The following GFM1 variants were observed in gnomAD, a reference collection of about 807,000 sequenced individuals.
GFM1 encodes elongation factor G, mitochondrial.
A neutral mutation model predicts 96.2 loss-of-function variants in GFM1; 62 were observed. That is an observed-to-expected ratio of 0.64 (90% CI 0.53 to 0.80). The LOEUF (loss-of-function observed/expected upper bound fraction) is 0.80, where lower values mean the gene tolerates loss of function less well. GFM1 is among the 30% of genes least tolerant of loss of function. The probability of loss-of-function intolerance (pLI) is 0.00; values close to 1 mark genes in which losing one functional copy is unlikely to be tolerated. For synonymous variants in GFM1, 282 were observed against 312.9 expected (o/e 0.90, Z 1.04); for missense variants, 852 against 916.6 (o/e 0.93, Z 0.91).
At chr3:158,646,350 T>C in intron 3 of GFM1, 53 bp downstream of exon 3, 1 of 1,592,318 alleles carries the variant, frequency 6.3e-7, no homozygotes, top group Non-Finnish European at 8.6e-7. Flanking sequence ...GCACATTTGG[T>C]TCTTTCTCTT....
chr3:158,682,249 A>C (rs975866894), intron 14 of GFM1, 92 bp downstream of exon 14: 3 of 1,109,092 alleles, frequency 2.7e-6, no homozygotes, highest in African/African-American at 1.6e-5. Context: ...CATGTTGTCT[A>C]TCACAGTTTG....
chr3:158,659,207 C>G, intron 9 of GFM1, 148 bp downstream of exon 9: 1 of 889,840 alleles, frequency 1.1e-6, no homozygotes. Context: ...TAGCTCTGAT[C>G]TAGCACTTTG....
At chr3:158,663,790 T>A (rs1030133279) in intron 11 of GFM1, among the ~76,000 whole-genome samples, 1 of 152,228 alleles carries the variant, frequency 6.6e-6, no homozygotes, top group Non-Finnish European at 1.5e-5. Flanking sequence ...GGGAAATCAA[T>A]GCTTCAATAT....
intron 14 of GFM1, 112 bp downstream of exon 14, chr3:158,682,269 C>A: frequency 1.1e-6 from 1 of 884,722 alleles, no homozygotes; most frequent in Non-Finnish European, 1.8e-6. Context: ...GTTTTAGTTA[C>A]AGTCCTGTTT....
chr3:158,681,951 T>C (rs1238341215), intron 13 of GFM1, 44 bp from the exon 14 acceptor site: 1 of 1,497,534 alleles, frequency 6.7e-7, no homozygotes. Flanking sequence ...TTTTATTTTG[T>C]AATTACATAA....
chr3:158,683,842 G>A (rs1162525829), intron 14 of GFM1, among the ~76,000 whole-genome samples: 5 of 152,284 alleles, frequency 3.3e-5, no homozygotes, highest in African/African-American at 7.2e-5. Flanking sequence ...ACCAGCTTAC[G>A]CCCTTAACTA....
At chr3:158,661,494 G>T (rs1200194341) in intron 10 of GFM1, among the ~76,000 whole-genome samples, 4 of 152,202 alleles carry the variant, frequency 2.6e-5, no homozygotes, top group Non-Finnish European at 5.9e-5. Context: ...TAGGCAATAT[G>T]CAACTACAGA....
At chr3:158,679,422 T>C (rs571314365) in intron 13 of GFM1, among the ~76,000 whole-genome samples, 1 of 152,342 alleles carries the variant, frequency 6.6e-6, no homozygotes, top group South Asian at 2.1e-4. Flanking sequence ...AAAATGTATT[T>C]GTAATGTACT....
chr3:158,684,337 C>T (rs1175716973), intron 14 of GFM1, among the ~76,000 whole-genome samples, 187 bp from the exon 15 acceptor site: 1 of 151,856 alleles, frequency 6.6e-6, no homozygotes, highest in African/African-American at 2.4e-5. Flanking sequence ...TATACATGTA[C>T]CCCTGAACTT....
At chr3:158,645,543 G>A (rs1351624864) in intron 1 of GFM1, 86 bp from the exon 2 acceptor site, 2 of 1,138,418 alleles carry the variant, frequency 1.8e-6, no homozygotes, top group African/African-American at 3.0e-5. Flanking sequence ...TTTCTTGGAG[G>A]AATAATGTCC....
chr3:158,669,694 AG>A, intron 13 of GFM1: 1 of 1,328,866 alleles, frequency 7.5e-7, no homozygotes. Flanking sequence ...TTTAAAGCAT[AG>A]GCTCCTAATG....
chr3:158,646,030 G>A (rs1261221002), intron 2 of GFM1, 135 bp from the exon 3 acceptor site: 2 of 1,124,330 alleles, frequency 1.8e-6, no homozygotes, highest in African/African-American at 3.1e-5. Context: ...TTATCATCCT[G>A]CCTCAGTCTC....
At chr3:158,676,587 A>G (rs923365295) in intron 13 of GFM1, among the ~76,000 whole-genome samples, 31 of 152,166 alleles carry the variant, frequency 2.0e-4, no homozygotes, top group African/African-American at 7.5e-4. Flanking sequence ...TTTTAAACAG[A>G]CATACCTCAT....
At chr3:158,672,513 TCTGGCTTAACGGG>T in intron 13 of GFM1, 1 of 1,612,304 alleles carries the variant, frequency 6.2e-7, no homozygotes, top group Admixed American at 1.7e-5. Flanking sequence ...CTTGGGCTAC[TCTGGCTTAACGGG>T]ACCAGTAGCA....
intron 6 of GFM1, 121 bp downstream of exon 6, chr3:158,652,367 T>A: frequency 1.2e-6 from 1 of 847,720 alleles, no homozygotes; most frequent in Non-Finnish European, 1.9e-6. Context: ...TACATTTATT[T>A]AACATAATTG....
intron 4 of GFM1, among the ~76,000 whole-genome samples, chr3:158,648,294 G>A (rs1196290168): frequency 1.3e-5 from 2 of 152,110 alleles, no homozygotes; most frequent in Non-Finnish European, 2.9e-5. Context: ...CATAGTTATA[G>A]ATGGGAGTCT....
intron 11 of GFM1, among the ~76,000 whole-genome samples, chr3:158,664,159 AGGTATGT>A (rs1723420360): frequency 6.6e-6 from 1 of 152,350 alleles, no homozygotes; most frequent in Admixed American, 6.5e-5. Flanking sequence ...CCACAGCTCC[AGGTATGT>A]GGTAAATGAT....
At chr3:158,687,816 C>A (rs2108111252) in intron 15 of GFM1, among the ~76,000 whole-genome samples, 1 of 152,066 alleles carries the variant, frequency 6.6e-6, no homozygotes, top group South Asian at 2.1e-4. Flanking sequence ...TTTTAGAAAA[C>A]ATTAGATTTG....
At position 158,652,151 on chromosome 3, in the gene GFM1, C is replaced by T. The variant is rs1338859371; in HGVS notation, c.745C>T (p.His249Tyr). 5 of 1,613,672 alleles carry T rather than the reference C, an allele frequency of 3.1e-6. No individual in the cohort carries two copies. The African/African-American group carries it at 5.3e-5, about 17-fold the overall frequency. Residue 249 changes from histidine to tyrosine, a missense_variant, in exon 6 of 18, where the codon CAC (histidine) becomes TAC (tyrosine). By Grantham distance (83) the His-to-Tyr change is moderately conservative (BLOSUM62 2). Transcript: ENST00000486715. ...TGAATTAAGGGCGGCGGCCACTGACCACCGGCAGGAGCTAATTGAATGTGT... is the reference window on the plus strand; with the variant it reads ...TGAATTAAGGGCGGCGGCCACTGACTACCGGCAGGAGCTAATTGAATGTGT... ...PAELRAAATD[H>Y]RQELIECVAN...
Sources: gnomAD v4.1 joint callset for allele counts (sites outside exome capture counted in the v4.1 genomes callset) on GRCh38, gnomAD v4.1.1 for gene constraint, MANE v1.5 for transcripts, NCBI Gene and HGNC (gene_info 2026-07-23, HGNC 2026-07-21) for gene names.